The following CFAP251 variants were observed in gnomAD, a reference collection of about 807,000 sequenced individuals.
CFAP251 encodes cilia and flagella associated protein 251.
A neutral mutation model predicts 126.7 loss-of-function variants in CFAP251; 93 were observed. The ratio of observed to expected loss-of-function variants is 0.73; its 90% CI spans 0.62 to 0.87. CFAP251 has a LOEUF of 0.87. Among genes scored for constraint, CFAP251 ranks in the 40% least tolerant of loss-of-function variants. The pLI, the probability that CFAP251 is intolerant of heterozygous loss-of-function variation, is 0.00. For missense variants in CFAP251, 1,287 were observed against 1,389.2 expected (o/e 0.93, Z 1.17); for synonymous variants, 503 against 506.9 (o/e 0.99, Z 0.10).
intron 19 of CFAP251, among the ~76,000 whole-genome samples, chr12:121,984,026 T>G (rs1478986992): frequency 6.6e-6 from 1 of 152,230 alleles, no homozygotes; most frequent in East Asian, 1.9e-4. Context: ...GCCTCACTAC[T>G]GGAGTGTGTT....
rs964025367 is a variant in CFAP251 at position 121,967,123 on chromosome 12, G to A, written c.2607+54G>A. The A allele has an allele frequency of 1.7e-5, 26 of 1,507,698 alleles. No individual in the cohort carries two copies. The African/African-American group carries it at 3.4e-4, about 20-fold the overall frequency. 93.4% of individuals were successfully genotyped at this position (1,507,698 alleles called of 1,614,324 possible). A position where few individuals can be genotyped will look rare whatever the true frequency, so the allele number is the denominator to read the frequency against. On this transcript the variant is annotated intron_variant, in intron 16 of 21. Coordinates refer to ENST00000288912, the MANE Select transcript of CFAP251 (RefSeq NM_144668.6). Reference sequence around the variant, plus strand: ...GAGTTGACTCTGTGTGTCATGAGCAGCAGTCATTACTGAAGATCACGAGAC... The same window carrying A: ...GAGTTGACTCTGTGTGTCATGAGCAACAGTCATTACTGAAGATCACGAGAC...
In CFAP251 at chr12:121,968,149, G is replaced by A. The variant is rs1338407830; in HGVS notation, c.2751G>A (p.Val917=). ...CGGGAGGGCACGATCGCTCGGTGGT[G>A]CAGTGGAAAATCACCTTAAGGTACA... The part of the protein sequence containing the change: ...FTAGGHDRSV[V]QWKITLSVLE... Residue 917 remains valine (V), a synonymous_variant, in exon 17 of 22, where the codon GTG becomes GTA. Coordinates refer to ENST00000288912, the MANE Select transcript of CFAP251 (RefSeq NM_144668.6). 2.5e-6 allele frequency: 4 copies of A among 1,607,752 alleles called. No homozygotes were observed. The highest frequency in any genetic ancestry group is 1.7e-5 in the Admixed American group (1 of 59,518).
Position 122,003,857 on chromosome 12 carries a change from C to A in CFAP251, c.*93C>A. 1 of 852,010 alleles carries A rather than the reference C, an allele frequency of 1.2e-6. No homozygotes were observed. The highest frequency in any genetic ancestry group is 1.7e-6 in the Non-Finnish European group (1 of 572,172). 52.8% of individuals were successfully genotyped at this position (852,010 alleles called of 1,614,324 possible). On this transcript the variant is annotated 3_prime_UTR_variant, in exon 22 of 22. Coordinates refer to ENST00000288912, the MANE Select transcript of CFAP251 (RefSeq NM_144668.6). The stretch of plus-strand genomic sequence containing the variant: ...ATGAGGCACTGCTTTTTATGCATTT[C>A]CCTCCCCCCTCTCATCTTTAGAACA...
intron 4 of CFAP251, among the ~76,000 whole-genome samples, chr12:121,934,013 G>T (rs1397651344): frequency 6.6e-6 from 1 of 152,136 alleles, no homozygotes; most frequent in African/African-American, 2.4e-5. Flanking sequence ...ACCTCTAGGA[G>T]CCACTGTTCA....
At chr12:121,967,985 C>T in intron 16 of CFAP251, 21 bp from the exon 17 acceptor site, 1 of 1,585,506 alleles carries the variant, frequency 6.3e-7, no homozygotes, top group Non-Finnish European at 8.6e-7. Flanking sequence ...TCTGAATATC[C>T]AATTATGTGT....
intron 2 of CFAP251, among the ~76,000 whole-genome samples, chr12:121,923,008 G>C (rs1880253234): frequency 6.6e-6 from 1 of 151,830 alleles, no homozygotes; most frequent in Non-Finnish European, 1.5e-5. Context: ...TGTTAGCCAG[G>C]ATGGTCTCGA....
At chr12:121,967,171 C>A in intron 16 of CFAP251, 102 bp downstream of exon 16, 1 of 1,068,000 alleles carries the variant, frequency 9.4e-7, no homozygotes, top group Non-Finnish European at 1.4e-6. Flanking sequence ...GGGTTTACAG[C>A]CAAGCCCAAC....
chr12:121,962,284 T>C, intron 15 of CFAP251, 122 bp downstream of exon 15: 1 of 872,402 alleles, frequency 1.1e-6, no homozygotes, highest in Non-Finnish European at 1.8e-6. Context: ...CTCTTTGCTT[T>C]GCAGAGGAGG....
intron 19 of CFAP251, among the ~76,000 whole-genome samples, chr12:121,981,704 G>C (rs757442089): frequency 6.6e-6 from 1 of 152,196 alleles, no homozygotes; most frequent in Non-Finnish European, 1.5e-5. Context: ...CGTGCCTCTC[G>C]CAGTTCCTGT....
chr12:121,960,479 A>G (rs1339946670), intron 13 of CFAP251, 106 bp from the exon 14 acceptor site: 3 of 1,286,838 alleles, frequency 2.3e-6, no homozygotes, highest in Non-Finnish European at 3.3e-6. Context: ...CGGCCTCCCA[A>G]AGTGCTGGGA....
At chr12:121,941,796 A>G (rs1881126814) in intron 5 of CFAP251, among the ~76,000 whole-genome samples, 1 of 152,190 alleles carries the variant, frequency 6.6e-6, no homozygotes, top group Admixed American at 6.5e-5. Context: ...TTCCCTAGGA[A>G]AAAGTCGTAA....
chr12:122,002,092 C>T (rs951005634), intron 21 of CFAP251, among the ~76,000 whole-genome samples: 6 of 151,786 alleles, frequency 4.0e-5, no homozygotes, highest in Admixed American at 6.6e-5. Flanking sequence ...CAGTGGCTCA[C>T]GCCTGTAATC....
rs376256957 is a variant in CFAP251, at chr12:121,942,986, T to C, written c.1191+11T>C. On this transcript the variant is annotated intron_variant, in intron 7 of 21. Coordinates refer to ENST00000288912, the MANE Select transcript of CFAP251 (RefSeq NM_144668.6). ...GAGTACGGTGTTCAGGTGAGTTCAGTTGGAGCCTGTAAACATCAACCTGAA... is the reference window on the plus strand; with the variant it reads ...GAGTACGGTGTTCAGGTGAGTTCAGCTGGAGCCTGTAAACATCAACCTGAA... 180 of 1,613,994 alleles carry C rather than the reference T, an allele frequency of 1.1e-4. 2 individuals are homozygous for C. In the Middle Eastern group the frequency reaches 1.3e-3, roughly 12 times the overall value.
intron 19 of CFAP251, among the ~76,000 whole-genome samples, chr12:121,983,635 G>GT (rs1442030066): frequency 2.0e-5 from 3 of 151,928 alleles, no homozygotes; most frequent in African/African-American, 7.3e-5. Context: ...ACTGGATGTT[G>GT]TATGTTCTCC....
intron 17 of CFAP251, among the ~76,000 whole-genome samples, chr12:121,973,537 C>T (rs1882387386): frequency 6.6e-6 from 1 of 152,162 alleles, no homozygotes; most frequent in South Asian, 2.1e-4. Flanking sequence ...CCTGGAAAAG[C>T]CATAGACACT....
At position 121,967,041 on chromosome 12, in the gene CFAP251, G is replaced by A. The variant is rs1009991630; in HGVS notation, c.2579G>A (p.Arg860His). Residue 860 changes from arginine to histidine, a missense_variant, in exon 16 of 22, where the codon CGC becomes CAC. Transcript: ENST00000288912. ...PVRSMAELQKRYLVFINRDKV... is the reference protein window; with the variant it reads ...PVRSMAELQKHYLVFINRDKV... ...AGAAGCATGGCGGAGCTACAGAAAC[G>A]CTACTTGGTGTTTATTAACAGAGAC... 8.1e-6 allele frequency: 13 copies of A among 1,614,046 alleles called. No individual in the cohort carries two copies. The highest frequency in any genetic ancestry group is 6.6e-5 in the South Asian group (6 of 91,082).
chr12:121,994,292 GCC>G lies in CFAP251; in HGVS notation c.3007-5418_3007-5417del, dbSNP rs758956918. On this transcript the variant is annotated intron_variant, in intron 19 of 21. Transcript: ENST00000288912. The stretch of plus-strand genomic sequence containing the variant: ...GTCCGGGAGGGAGGTGGGGGGGTCA[GCC>G]CCCCCGCTCGGCCAGCCGCCCCGTC... Among the ~76,000 whole-genome samples, 2 of 13,578 alleles carry G rather than the reference GCC, an allele frequency of 1.5e-4. 1 individual carries two copies. Among genetic ancestry groups the G allele is most frequent in the Admixed American group, 1.0e-3 (2 of 1,974 alleles). 8.9% of individuals were successfully genotyped at this position (13,578 alleles called of 152,430 possible). A position where few individuals can be genotyped will look rare whatever the true frequency, so the allele number is the denominator to read the frequency against.
intron 6 of CFAP251, 25 bp from the exon 7 acceptor site, chr12:121,942,870 C>G: frequency 6.2e-7 from 1 of 1,612,722 alleles, no homozygotes; most frequent in Admixed American, 1.7e-5. Context: ...CCTTCTCATG[C>G]CCCTCTCTCT....
rs186093403 is a variant in CFAP251 at position 121,986,321 on chromosome 12, C to G, written c.3006+10636C>G. On this transcript the variant is annotated intron_variant, in intron 19 of 21. Transcript: ENST00000288912. The stretch of plus-strand genomic sequence containing the variant: ...ATTTTTTTTTTTTTTTTTTGGAGAC[C>G]GAGTCTCCCTCTGTCACCCAGGCTG... Among the ~76,000 whole-genome samples, 386 of 143,176 alleles carry G rather than the reference C, an allele frequency of 2.7e-3. 5 individuals carry two copies. In the East Asian group the frequency reaches 0.034, roughly 13 times the overall value. The allele number at this position is 143,176 out of a possible 152,430, so 93.9% of individuals were successfully genotyped here. A position where few individuals can be genotyped will look rare whatever the true frequency, so the allele number is the denominator to read the frequency against.
Sources: allele counts gnomAD v4.1 joint callset (sites outside exome capture counted in the v4.1 genomes callset), GRCh38; gene constraint gnomAD v4.1.1; transcripts MANE v1.5; gene names NCBI Gene and HGNC (gene_info 2026-07-23, HGNC 2026-07-21).